PARD3B: variants seen among roughly 807,000 people sequenced by gnomAD.
PARD3B encodes par-3 family cell polarity regulator beta.
Under a neutral mutation model 130.2 loss-of-function variants are expected in PARD3B, and 103 were observed. The ratio of observed to expected loss-of-function variants is 0.79; its 90% CI spans 0.67 to 0.93. PARD3B has a LOEUF of 0.93. PARD3B is among the 40% of genes least tolerant of loss of function. The pLI, the probability that PARD3B is intolerant of heterozygous loss-of-function variation, is 0.00. For missense variants in PARD3B, 1,609 were observed against 1,499.2 expected (o/e 1.07, Z -1.21); for synonymous variants, 583 against 553.2 (o/e 1.05, Z -0.76).
intron 3 of PARD3B, among the ~76,000 whole-genome samples, chr2:204,979,130 T>C (rs1692448989): frequency 6.7e-6 from 1 of 149,528 alleles, no homozygotes; most frequent in Non-Finnish European, 1.5e-5. Flanking sequence ...GGCGTGAACC[T>C]GGGAGGCGGA....
chr2:205,409,448 A>G (rs1251835844), intron 19 of PARD3B, among the ~76,000 whole-genome samples: 2 of 152,164 alleles, frequency 1.3e-5, no homozygotes, highest in African/African-American at 2.4e-5. Context: ...GATCTCTGTA[A>G]CACCTATCTT....
At chr2:205,444,962 TATAATG>T (rs143638631) in intron 20 of PARD3B, among the ~76,000 whole-genome samples, 5,378 of 152,232 alleles carry the variant, frequency 0.035, 324 homozygotes, top group African/African-American at 0.12. Context: ...GAGGGAGAAT[TATAATG>T]AGAAGAGAAT....
chr2:204,627,141 C>T (rs566706218), intron 1 of PARD3B, among the ~76,000 whole-genome samples: 10 of 152,210 alleles, frequency 6.6e-5, no homozygotes, highest in African/African-American at 9.6e-5. Context: ...CTTTGCCTTC[C>T]GCCATGATTG....
At chr2:205,026,326 G>A (rs556453853) in intron 3 of PARD3B, among the ~76,000 whole-genome samples, 2 of 152,280 alleles carry the variant, frequency 1.3e-5, no homozygotes, top group East Asian at 3.9e-4. Flanking sequence ...TGGGTGGGCA[G>A]AGAAGAGCCA....
At chr2:205,136,191 G>A (rs1169105756) in intron 10 of PARD3B, among the ~76,000 whole-genome samples, 2 of 152,146 alleles carry the variant, frequency 1.3e-5, no homozygotes, top group East Asian at 3.8e-4. Flanking sequence ...GGCTTGAAAT[G>A]TTGTTTCAAT....
intron 2 of PARD3B, among the ~76,000 whole-genome samples, chr2:204,939,273 AT>A (rs1378317926): frequency 4.6e-5 from 7 of 152,178 alleles, no homozygotes; most frequent in East Asian, 1.9e-4. Context: ...ACCATAAACA[AT>A]TTTTTAAAGA....
In PARD3B at chr2:205,615,674, C is replaced by T. The variant is rs371227828; in HGVS notation, c.3479C>T (p.Pro1160Leu). Residue 1160 changes from proline (P) to leucine (L), a missense_variant, in exon 23 of 23, where the codon CCG (proline) becomes CTG (leucine). Pro to Leu is a moderately conservative substitution (Grantham distance 98). Transcript: ENST00000406610. ...QHKGPFRQDV[P>L]PSPPQHQRMP... ...AAAGGACCCTTTCGACAAGACGTTC[C>T]GCCTTCCCCTCCCCAGCACCAAAGA... The T allele has an allele frequency of 1.0e-4, 163 of 1,614,092 alleles. 1 individual carries two copies. In the African/African-American group the frequency reaches 1.8e-3, roughly 18 times the overall value.
At chr2:205,048,561 C>T (rs1012041195) in intron 4 of PARD3B, 7 of 152,148 alleles carry the variant, frequency 4.6e-5, no homozygotes, top group Non-Finnish European at 1.0e-4. Flanking sequence ...AAAAGCAAGA[C>T]TCTTTCTCAC....
chr2:205,347,219 T>C (rs902681717), intron 18 of PARD3B, among the ~76,000 whole-genome samples: 1 of 152,206 alleles, frequency 6.6e-6, no homozygotes, highest in African/African-American at 2.4e-5. Flanking sequence ...AATGAAATTA[T>C]ATAGAGTCTA....
intron 22 of PARD3B, among the ~76,000 whole-genome samples, chr2:205,583,564 T>G (rs2054083077): frequency 6.6e-6 from 1 of 152,254 alleles, no homozygotes; most frequent in South Asian, 2.1e-4. Flanking sequence ...AAGCATGTTA[T>G]GTGTATTCAC....
chr2:204,896,998 A>T (rs1333523558), intron 2 of PARD3B, among the ~76,000 whole-genome samples: 2 of 152,184 alleles, frequency 1.3e-5, no homozygotes, highest in Non-Finnish European at 2.9e-5. Flanking sequence ...CAAGTGAACA[A>T]TAATAAAAGG....
chr2:205,500,058 T>C, intron 21 of PARD3B, 27 bp downstream of exon 21: 1 of 1,609,624 alleles, frequency 6.2e-7, no homozygotes, highest in Non-Finnish European at 8.5e-7. Flanking sequence ...TTTCAATCGT[T>C]GAATTCATCT....
At chr2:205,283,545 A>C (rs1027016171) in intron 16 of PARD3B, among the ~76,000 whole-genome samples, 2 of 152,184 alleles carry the variant, frequency 1.3e-5, no homozygotes, top group African/African-American at 4.8e-5. Context: ...AATTCAATTC[A>C]CTAAACAGCA....
chr2:205,377,132 C>T (rs146372792), intron 18 of PARD3B, among the ~76,000 whole-genome samples: 27 of 152,196 alleles, frequency 1.8e-4, no homozygotes, highest in African/African-American at 6.5e-4. Flanking sequence ...TGTGTAAGGA[C>T]CACCAGCAAA....
At position 205,176,128 on chromosome 2, in the gene PARD3B, C is replaced by T. The variant is rs1436807325; in HGVS notation, c.1792-317C>T. Among the ~76,000 whole-genome samples, 2 of 152,172 alleles carry T rather than the reference C, an allele frequency of 1.3e-5. No homozygotes were observed. The highest frequency in any genetic ancestry group is 2.9e-5 in the Non-Finnish European group (2 of 68,028). On this transcript the variant is annotated intron_variant, in intron 12 of 22. Transcript: ENST00000406610. This position sits in a 1 kb window ranked among gnomAD's most constrained non-coding sequence, Gnocchi z 5.3. ...AACTGTATTCTTGTGTTGACACTGC[C>T]ACAAGCTGTATTCCCCAGATGGAAG...
rs545317400 is a variant in PARD3B, at chr2:204,943,131, T to C, written c.223-22021T>C. On this transcript the variant is annotated intron_variant, in intron 2 of 22. Transcript: ENST00000406610. The surrounding 1 kb of genome is among the most constrained non-coding windows in gnomAD (Gnocchi z 4.2). ...AATTACCCCTGACTTAAGAAAGAAG[T>C]TTTTCACATTCTTAATGTGTGTATG... is the stretch of plus-strand genomic sequence containing the variant. 2.6e-5 allele frequency among the ~76,000 whole-genome samples: 4 copies of C among 152,030 alleles called. No homozygotes were observed. Among genetic ancestry groups the C allele is most frequent in the Non-Finnish European group, 5.9e-5 (4 of 68,008 alleles).
rs1208673713 is a variant in PARD3B at position 205,584,310 on chromosome 2, G to A, written c.3260+30907G>A. On this transcript the variant is annotated intron_variant, in intron 22 of 22. Coordinates refer to ENST00000406610, the MANE Select transcript of PARD3B (RefSeq NM_001302769.2). The surrounding 1 kb of genome is among the most constrained non-coding windows in gnomAD (Gnocchi z 5.5). Reference sequence around the variant, plus strand: ...TACTTGTTGACATTATCATACTTTGGATATATTGGGTTAAGTAAAATAAAT... The same window carrying A: ...TACTTGTTGACATTATCATACTTTGAATATATTGGGTTAAGTAAAATAAAT... 6.6e-6 allele frequency among the ~76,000 whole-genome samples: 1 copy of A among 152,054 alleles called. No individual in the cohort carries two copies.
chr2:205,120,988 T>C (rs1014104144), intron 7 of PARD3B, among the ~76,000 whole-genome samples: 1 of 152,206 alleles, frequency 6.6e-6, no homozygotes, highest in Non-Finnish European at 1.5e-5. Context: ...ACAGTTGCTC[T>C]GTGTGAGAGT....
At chr2:205,007,849 C>T (rs374127515) in intron 3 of PARD3B, among the ~76,000 whole-genome samples, 10 of 151,978 alleles carry the variant, frequency 6.6e-5, no homozygotes, top group South Asian at 2.1e-4. Flanking sequence ...TTTGTTTCAA[C>T]GAAATCTATG....
Sources: allele counts gnomAD v4.1 joint callset (sites outside exome capture counted in the v4.1 genomes callset), GRCh38; gene constraint gnomAD v4.1.1; non-coding constraint Gnocchi (gnomAD v3.1); transcripts MANE v1.5; gene names NCBI Gene and HGNC (gene_info 2026-07-23, HGNC 2026-07-21).